LRRC4C: variants seen among roughly 807,000 people sequenced by gnomAD.
The protein encoded by LRRC4C is leucine-rich repeat-containing protein 4C.
Under a neutral mutation model 33.6 loss-of-function variants are expected in LRRC4C, and 5 were observed. That is an observed-to-expected ratio of 0.15 (90% CI 0.08 to 0.31). The LOEUF is 0.31. LRRC4C is among the 10% of genes least tolerant of loss of function. LRRC4C has a pLI of 1.00. For missense variants in LRRC4C, 560 were observed against 796.7 expected (o/e 0.70, Z 3.58); for synonymous variants, 329 against 302.0 (o/e 1.09, Z -0.93).
At chr11:40,500,031 G>A (rs893409430) in intron 3 of LRRC4C, among the ~76,000 whole-genome samples, 1 of 151,984 alleles carries the variant, frequency 6.6e-6, no homozygotes, top group Non-Finnish European at 1.5e-5. Context: ...AAAATTCTGG[G>A]AATTAGAATG....
chr11:40,816,423 A>G (rs1227054322), intron 2 of LRRC4C, among the ~76,000 whole-genome samples: 1 of 152,224 alleles, frequency 6.6e-6, no homozygotes, highest in Admixed American at 6.6e-5. Context: ...ACAGATATCC[A>G]GAGGCTCTTT....
At chr11:40,164,214 T>C (rs758517865) in intron 5 of LRRC4C, among the ~76,000 whole-genome samples, 2 of 152,190 alleles carry the variant, frequency 1.3e-5, no homozygotes, top group African/African-American at 2.4e-5. Flanking sequence ...GAATGTCCAG[T>C]AGATGCTGTT....
chr11:40,644,746 G>A (rs1364829733), intron 3 of LRRC4C, among the ~76,000 whole-genome samples: 1 of 152,184 alleles, frequency 6.6e-6, no homozygotes, highest in African/African-American at 2.4e-5. Context: ...GAAGTTGTCA[G>A]TGTTTAAGGG....
chr11:40,141,094 A>T (rs773693148), intron 5 of LRRC4C, among the ~76,000 whole-genome samples: 3 of 152,148 alleles, frequency 2.0e-5, no homozygotes, highest in Non-Finnish European at 2.9e-5. Context: ...ACTTACAAGA[A>T]ATGTAGTCTT....
chr11:40,891,486 T>C (rs1955705242), intron 2 of LRRC4C, among the ~76,000 whole-genome samples: 1 of 151,768 alleles, frequency 6.6e-6, no homozygotes, highest in Admixed American at 6.6e-5. Context: ...TGGGAGAAAA[T>C]ATTTGCAAAC....
At chr11:40,330,663 G>A (rs756624669) in intron 3 of LRRC4C, among the ~76,000 whole-genome samples, 1 of 152,006 alleles carries the variant, frequency 6.6e-6, no homozygotes, top group African/African-American at 2.4e-5. Context: ...CTGAGCAAAG[G>A]GGGAAAAGCC....
chr11:40,168,550 T>C (rs1027901248), intron 5 of LRRC4C, among the ~76,000 whole-genome samples: 1 of 152,244 alleles, frequency 6.6e-6, no homozygotes, highest in African/African-American at 2.4e-5. Context: ...TTGAGCTGAC[T>C]GAAGCTAGCA....
At chr11:40,138,967 C>T (rs921470484) in intron 6 of LRRC4C, among the ~76,000 whole-genome samples, 8 of 152,142 alleles carry the variant, frequency 5.3e-5, no homozygotes, top group African/African-American at 1.9e-4. Flanking sequence ...AATTTCACTC[C>T]CAATTCTTTC....
intron 4 of LRRC4C, among the ~76,000 whole-genome samples, chr11:40,312,696 G>T (rs1945374003): frequency 6.6e-6 from 1 of 152,146 alleles, no homozygotes; most frequent in Non-Finnish European, 1.5e-5. Context: ...TTTGCAAAAG[G>T]ATTTTCCTTT....
chr11:40,352,187 T>G (rs564650546), intron 3 of LRRC4C, among the ~76,000 whole-genome samples: 1 of 150,728 alleles, frequency 6.6e-6, no homozygotes, highest in Non-Finnish European at 1.5e-5. Context: ...CTTTCCTTCC[T>G]TACTTCCTTC....
chr11:41,131,713 C>G (rs376991592), intron 1 of LRRC4C, among the ~76,000 whole-genome samples: 24 of 152,176 alleles, frequency 1.6e-4, no homozygotes, highest in African/African-American at 5.1e-4. Flanking sequence ...CACAAAGACC[C>G]TGCTGTTGAA....
chr11:41,070,646 A>T (rs550848712), intron 1 of LRRC4C, among the ~76,000 whole-genome samples: 2 of 152,222 alleles, frequency 1.3e-5, no homozygotes, highest in Admixed American at 1.3e-4. Flanking sequence ...CATTTATGTG[A>T]CCAAGAAACA....
rs182826553 is a variant in LRRC4C, at chr11:40,311,883, T to C, written c.-176+7745A>G. On this transcript the variant is annotated intron_variant, in intron 4 of 6. Coordinates refer to ENST00000528697, the MANE Select transcript of LRRC4C (RefSeq NM_001258419.2). ...TTGCTTGAACCTGGGTGGCGGAAGT[T>C]GCAGTGAGCCAAGATCGTGCCACTG... Among the ~76,000 whole-genome samples, 634 of 143,418 alleles carry C rather than the reference T, an allele frequency of 4.4e-3. 6 individuals are homozygous for C. Among genetic ancestry groups the C allele is most frequent in the African/African-American group, 0.016 (602 of 38,722 alleles). 94.1% of individuals were successfully genotyped at this position (143,418 alleles called of 152,430 possible). A position where few individuals can be genotyped will look rare whatever the true frequency, so the allele number is the denominator to read the frequency against.
intron 1 of LRRC4C, among the ~76,000 whole-genome samples, chr11:41,179,561 T>C (rs1945355012): frequency 1.3e-5 from 2 of 152,208 alleles, no homozygotes; most frequent in Non-Finnish European, 2.9e-5. Flanking sequence ...ATTTCCTTTC[T>C]CTTCTGACTC....
intron 1 of LRRC4C, among the ~76,000 whole-genome samples, chr11:41,071,420 A>G (rs1252481078): frequency 1.3e-5 from 2 of 152,164 alleles, no homozygotes; most frequent in Non-Finnish European, 2.9e-5. Context: ...GTAAAATAGA[A>G]AAAATAAATA....
At chr11:40,910,847 C>T (rs187829965) in intron 2 of LRRC4C, among the ~76,000 whole-genome samples, 162 of 152,326 alleles carry the variant, frequency 1.1e-3, no homozygotes, top group African/African-American at 3.7e-3. Context: ...CACTCCCACC[C>T]TAATACTGCG....
At chr11:40,721,146 C>G (rs1457143093) in intron 2 of LRRC4C, among the ~76,000 whole-genome samples, 3 of 152,078 alleles carry the variant, frequency 2.0e-5, no homozygotes, top group Admixed American at 2.0e-4. Flanking sequence ...ATGCTTGTAT[C>G]CTTCCCAAAT....
chr11:40,683,079 C>T (rs1445864851), intron 2 of LRRC4C, among the ~76,000 whole-genome samples: 1 of 152,142 alleles, frequency 6.6e-6, no homozygotes, highest in East Asian at 1.9e-4. Context: ...GAGGAGAATA[C>T]AAGGAAGAAC....
chr11:40,891,910 T>A (rs1455860010), intron 2 of LRRC4C, among the ~76,000 whole-genome samples: 1 of 151,668 alleles, frequency 6.6e-6, no homozygotes. Flanking sequence ...CCAAGGTGGG[T>A]GTATCACGAG....
Sources: allele counts gnomAD v4.1 joint callset (sites outside exome capture counted in the v4.1 genomes callset), GRCh38; gene constraint gnomAD v4.1.1; transcripts MANE v1.5; gene names NCBI Gene and HGNC (gene_info 2026-07-23, HGNC 2026-07-21).